The following SBF2 variants were observed in gnomAD, a reference collection of about 807,000 sequenced individuals.
The protein encoded by SBF2 is myotubularin-related protein 13.
Under a neutral mutation model 225.2 loss-of-function variants are expected in SBF2, and 112 were observed. The observed-to-expected ratio is 0.50, with a 90% confidence interval of 0.43 to 0.58. The LOEUF (loss-of-function observed/expected upper bound fraction) is 0.58. SBF2 is among the 20% of genes least tolerant of loss of function. SBF2 has a pLI of 0.00. For synonymous variants in SBF2, 763 were observed against 773.3 expected (o/e 0.99, Z 0.22); for missense variants, 1,996 against 2,206.2 (o/e 0.90, Z 1.91).
intron 2 of SBF2, among the ~76,000 whole-genome samples, chr11:10,099,046 G>T (rs1005775904): frequency 6.6e-6 from 1 of 151,842 alleles, no homozygotes; most frequent in Non-Finnish European, 1.5e-5. Context: ...GAAGCAAAAG[G>T]CTTCTTTAGA....
chr11:9,972,477 TTTTG>T (rs988524641), intron 13 of SBF2, among the ~76,000 whole-genome samples: 6 of 152,124 alleles, frequency 3.9e-5, no homozygotes, highest in Admixed American at 1.3e-4. Context: ...CCAATATGTT[TTTTG>T]TTTGTTTGTT....
intron 2 of SBF2, among the ~76,000 whole-genome samples, chr11:10,123,627 G>A (rs1591008872): frequency 1.3e-5 from 2 of 151,436 alleles, no homozygotes; most frequent in East Asian, 3.9e-4. Flanking sequence ...AGTTCCTGTT[G>A]TATTCAGAGT....
rs561351603 is a variant in SBF2, at chr11:9,795,591, G to A, written c.4570+240C>T. 8.5e-5 allele frequency among the ~76,000 whole-genome samples: 13 copies of A among 152,254 alleles called. No individual in the cohort carries two copies. In the South Asian group the frequency reaches 2.7e-3, roughly 32 times the overall value. On this transcript the variant is annotated intron_variant, in intron 33 of 39. Transcript: ENST00000256190. ...TTCTCAAACAGTGTGATCACTTTGAGGTATCAAAATAGTAAACATATTTAA... is the reference window on the plus strand; with the variant it reads ...TTCTCAAACAGTGTGATCACTTTGAAGTATCAAAATAGTAAACATATTTAA...
At chr11:9,968,684 C>A (rs1027740905) in intron 13 of SBF2, 139 bp from the exon 14 acceptor site, 4 of 747,448 alleles carry the variant, frequency 5.4e-6, no homozygotes, top group African/African-American at 3.5e-5. Flanking sequence ...ACATGAAGTA[C>A]CAAAATCTTA....
upstream of SBF2, among the ~76,000 whole-genome samples, chr11:10,296,182 C>T (rs1270068923): frequency 6.6e-6 from 1 of 151,938 alleles, no homozygotes; most frequent in Admixed American, 6.6e-5. Context: ...GTATATTGTT[C>T]TCAGCTTGTT....
At chr11:10,210,530 C>T (rs577082299) in intron 1 of SBF2, among the ~76,000 whole-genome samples, 1 of 152,232 alleles carries the variant, frequency 6.6e-6, no homozygotes, top group African/African-American at 2.4e-5. Flanking sequence ...CCTGCTAAAA[C>T]ACAAGAGTTT....
Position 9,832,434 on chromosome 11 carries a change from G to A in SBF2, c.3456-14C>T, listed in dbSNP as rs1003632430. On this transcript the variant is annotated splice_polypyrimidine_tract_variant and intron_variant, in intron 26 of 39. Transcript: ENST00000256190. ...AGGCCAGGATAGCTTCAGAGACATA[G>A]AATAGAGAAGAGAATGATTGGGGGA... The A allele has an allele frequency of 1.9e-6, 3 of 1,592,232 alleles. No individual in the cohort carries two copies. The highest frequency in any genetic ancestry group is 2.2e-5 in the East Asian group (1 of 44,760).
rs149190959 is a variant in SBF2 at position 9,985,164 on chromosome 11, T to C, written c.1395+4333A>G. On this transcript the variant is annotated intron_variant, in intron 13 of 39. Coordinates refer to ENST00000256190, the MANE Select transcript of SBF2 (RefSeq NM_030962.4). ...ACTTAAAAGATACAGAACTGAAGAATGGATAAGAACTCACCAATCAACTAT... is the reference window on the plus strand; with the variant it reads ...ACTTAAAAGATACAGAACTGAAGAACGGATAAGAACTCACCAATCAACTAT... Among the ~76,000 whole-genome samples, 117 of 152,250 alleles carry C rather than the reference T, an allele frequency of 7.7e-4. No homozygotes were observed. In the East Asian group the frequency reaches 0.02, roughly 27 times the overall value.
intron 1 of SBF2, among the ~76,000 whole-genome samples, chr11:10,291,899 AGTGAGCATCACTTCT>A (rs936602538): frequency 1.3e-5 from 2 of 152,266 alleles, no homozygotes; most frequent in African/African-American, 4.8e-5. Context: ...GACAGGATGC[AGTGAGCATCACTTCT>A]GTGATATCCT....
chr11:10,158,293 G>A (rs1225803470), intron 2 of SBF2, among the ~76,000 whole-genome samples: 2 of 151,800 alleles, frequency 1.3e-5, no homozygotes, highest in African/African-American at 4.8e-5. Context: ...AAAAAGAAGA[G>A]CAAACTAAAT....
At chr11:9,918,161 C>T (rs1201212559) in intron 16 of SBF2, among the ~76,000 whole-genome samples, 8 of 141,158 alleles carry the variant, frequency 5.7e-5, no homozygotes, top group Non-Finnish European at 1.2e-4. Flanking sequence ...TCTATCTTCG[C>T]CACATTTGTC....
intron 1 of SBF2, among the ~76,000 whole-genome samples, chr11:10,198,998 T>C (rs1957480128): frequency 6.6e-6 from 1 of 152,244 alleles, no homozygotes; most frequent in Non-Finnish European, 1.5e-5. Context: ...TTTCTTATTA[T>C]CTGCATTCAC....
intron 13 of SBF2, among the ~76,000 whole-genome samples, chr11:9,976,069 CTTCTTTTTTT>C (rs1946666209): frequency 7.2e-6 from 1 of 139,684 alleles, no homozygotes; most frequent in African/African-American, 2.7e-5. Flanking sequence ...TCTTCTTCTT[CTTCTTTTTTT>C]TTTTTTTTTT....
chr11:9,830,744 A>AT (rs1855340050), intron 27 of SBF2, among the ~76,000 whole-genome samples: 2 of 141,208 alleles, frequency 1.4e-5, no homozygotes, highest in Admixed American at 1.4e-4. Context: ...CAGCTCAAAA[A>AT]CAAAAAAAAA....
chr11:10,133,208 A>G lies in SBF2; in HGVS notation c.141+60694T>C, dbSNP rs369339955. On this transcript the variant is annotated intron_variant, in intron 2 of 39. Coordinates refer to ENST00000256190, the MANE Select transcript of SBF2 (RefSeq NM_030962.4). ...TGAGCTAGATATAAAGACTCTCCAC[A>G]TCCCCATCAGACTCAGGAGCCCAGC... Among the ~76,000 whole-genome samples, 183 of 149,108 alleles carry G rather than the reference A, an allele frequency of 1.2e-3. 1 individual carries two copies. The highest frequency in any genetic ancestry group is 4.2e-3 in the East Asian group (19 of 4,536).
Position 9,842,614 on chromosome 11 carries a change from T to C in SBF2, c.3256+11A>G. On this transcript the variant is annotated intron_variant, in intron 25 of 39. Coordinates refer to ENST00000256190, the MANE Select transcript of SBF2 (RefSeq NM_030962.4). The stretch of plus-strand genomic sequence containing the variant: ...AGTTGAATAATGAAGGAAATTCAAG[T>C]TTTCACATACCAGATACATCATCAT... 1 of 1,613,638 alleles carries C rather than the reference T, an allele frequency of 6.2e-7. No homozygotes were observed. Among genetic ancestry groups the C allele is most frequent in the Non-Finnish European group, 8.5e-7 (1 of 1,179,716 alleles).
chr11:10,092,839 A>G (rs1262922743), intron 2 of SBF2, among the ~76,000 whole-genome samples: 1 of 152,152 alleles, frequency 6.6e-6, no homozygotes, highest in East Asian at 1.9e-4. Context: ...AGGCAATTTT[A>G]CTTGATATTC....
At chr11:9,790,057 G>A (rs1852643148) in intron 34 of SBF2, among the ~76,000 whole-genome samples, 1 of 152,210 alleles carries the variant, frequency 6.6e-6, no homozygotes, top group Non-Finnish European at 1.5e-5. Flanking sequence ...CTGCTTATCA[G>A]ACCAGTCTGT....
chr11:9,844,562 A>G (rs1011708685), intron 24 of SBF2, among the ~76,000 whole-genome samples: 4 of 152,220 alleles, frequency 2.6e-5, no homozygotes, highest in African/African-American at 7.2e-5. Flanking sequence ...GGTTCATACT[A>G]AAGAAATATG....
Sources: gnomAD v4.1 joint callset for allele counts (sites outside exome capture counted in the v4.1 genomes callset) on GRCh38, gnomAD v4.1.1 for gene constraint, MANE v1.5 for transcripts, NCBI Gene and HGNC (gene_info 2026-07-23, HGNC 2026-07-21) for gene names.